The following PTPRD variants were observed in gnomAD, a reference collection of about 807,000 sequenced individuals.
PTPRD encodes receptor-type tyrosine-protein phosphatase delta.
PTPRD carries 34 observed loss-of-function variants against 214.5 expected under a neutral mutation model. The observed-to-expected ratio is 0.16, with a 90% CI of 0.12 to 0.21. The LOEUF (loss-of-function observed/expected upper bound fraction) is 0.21. Among genes scored for constraint, PTPRD ranks in the 10% least tolerant of loss-of-function variants. The probability of loss-of-function intolerance (pLI) is 1.00; values close to 1 mark genes in which losing one functional copy is unlikely to be tolerated. For missense variants in PTPRD, 2,545 were observed against 2,398.7 expected (o/e 1.06, Z -1.27); for synonymous variants, 1,128 against 845.7 (o/e 1.33, Z -5.79).
At chr9:8,906,767 T>C (rs1358398621) in intron 11 of PTPRD, among the ~76,000 whole-genome samples, 1 of 151,978 alleles carries the variant, frequency 6.6e-6, no homozygotes, top group Non-Finnish European at 1.5e-5. Flanking sequence ...TTAGCCTAAA[T>C]TGTGGTCTTT....
intron 2 of PTPRD, among the ~76,000 whole-genome samples, chr9:10,353,266 CA>C (rs983940162): frequency 3.3e-5 from 5 of 151,730 alleles, no homozygotes; most frequent in Non-Finnish European, 5.9e-5. Context: ...AATGTTCTTA[CA>C]AAAAACACAT....
chr9:10,329,437 C>T (rs559056704), intron 3 of PTPRD, among the ~76,000 whole-genome samples: 2 of 151,896 alleles, frequency 1.3e-5, no homozygotes, highest in South Asian at 4.1e-4. Flanking sequence ...TGTATGTTTT[C>T]AGCTGCTTAT....
chr9:10,281,566 G>C (rs74482350), intron 3 of PTPRD, among the ~76,000 whole-genome samples: 4,062 of 152,162 alleles, frequency 0.027, 296 homozygotes, highest in Admixed American at 0.16. Context: ...TTTTTACTTT[G>C]CTACTTAAAC....
intron 3 of PTPRD, among the ~76,000 whole-genome samples, chr9:10,264,369 C>G (rs2093910025): frequency 6.6e-6 from 1 of 152,168 alleles, no homozygotes; most frequent in Admixed American, 6.5e-5. Flanking sequence ...GTACCCTGCA[C>G]AGCCACAGGG....
intron 3 of PTPRD, among the ~76,000 whole-genome samples, chr9:10,297,177 G>A (rs1343839345): frequency 6.7e-6 from 1 of 150,152 alleles, no homozygotes; most frequent in Non-Finnish European, 1.5e-5. Context: ...TGCACCATGT[G>A]CAGGTTTGTT....
intron 2 of PTPRD, among the ~76,000 whole-genome samples, chr9:10,436,924 T>C (rs565003995): frequency 6.6e-6 from 1 of 151,796 alleles, no homozygotes; most frequent in Non-Finnish European, 1.5e-5. Flanking sequence ...TAAATGTAGA[T>C]GCAAGATGTC....
At chr9:8,382,818 A>T (rs1391667605) in intron 37 of PTPRD, among the ~76,000 whole-genome samples, 1 of 152,240 alleles carries the variant, frequency 6.6e-6, no homozygotes, top group East Asian at 1.9e-4. Context: ...TGCTTAAGGA[A>T]AAAAGCAGTT....
intron 14 of PTPRD, among the ~76,000 whole-genome samples, chr9:8,597,032 T>C (rs909442632): frequency 3.9e-5 from 6 of 152,104 alleles, no homozygotes; most frequent in African/African-American, 1.2e-4. Context: ...CTAAAAAATA[T>C]GGTAGATTTG....
intron 11 of PTPRD, among the ~76,000 whole-genome samples, chr9:8,821,159 A>G (rs138587788): frequency 1.1e-4 from 16 of 152,232 alleles, no homozygotes; most frequent in African/African-American, 3.9e-4. Context: ...TTCTTGAACT[A>G]TGGGGTTTAA....
chr9:9,685,552 C>T (rs2097152147), intron 7 of PTPRD, among the ~76,000 whole-genome samples: 1 of 151,068 alleles, frequency 6.6e-6, no homozygotes, highest in Admixed American at 6.6e-5. Flanking sequence ...TATTTTAAAA[C>T]ATAAAGAAAA....
At chr9:9,814,268 C>T (rs765050986) in intron 5 of PTPRD, among the ~76,000 whole-genome samples, 11 of 147,896 alleles carry the variant, frequency 7.4e-5, no homozygotes, top group Non-Finnish European at 1.2e-4. Flanking sequence ...CACTTCTATT[C>T]GATGTAATAA....
At chr9:8,642,466 G>C (rs75095721) in intron 12 of PTPRD, among the ~76,000 whole-genome samples, 13,691 of 152,208 alleles carry the variant, frequency 0.09, 717 homozygotes, top group East Asian at 0.18. Context: ...TGTTCAGTGG[G>C]AACATGCAGG....
chr9:10,366,904 A>G (rs932192490), intron 2 of PTPRD, among the ~76,000 whole-genome samples: 4 of 152,162 alleles, frequency 2.6e-5, no homozygotes, highest in African/African-American at 9.7e-5. Context: ...TTAATTTTTG[A>G]AAAGAACACC....
intron 2 of PTPRD, among the ~76,000 whole-genome samples, chr9:10,430,976 C>A (rs1198014642): frequency 6.6e-6 from 1 of 151,876 alleles, no homozygotes; most frequent in Non-Finnish European, 1.5e-5. Flanking sequence ...TCTTTATATA[C>A]ATAAATAATA....
At chr9:8,430,205 C>T (rs973563241) in intron 35 of PTPRD, among the ~76,000 whole-genome samples, 1 of 152,106 alleles carries the variant, frequency 6.6e-6, no homozygotes, top group Non-Finnish European at 1.5e-5. Context: ...ACTAGTTTTA[C>T]ATTTTCTCTA....
chr9:10,276,541 G>C (rs2094701921), intron 3 of PTPRD, among the ~76,000 whole-genome samples: 1 of 152,130 alleles, frequency 6.6e-6, no homozygotes, highest in Non-Finnish European at 1.5e-5. Flanking sequence ...CAAATTCATT[G>C]CATTAGCCTC....
intron 2 of PTPRD, among the ~76,000 whole-genome samples, chr9:10,557,733 G>A (rs1021972945): frequency 1.3e-5 from 2 of 152,106 alleles, no homozygotes; most frequent in African/African-American, 4.8e-5. Flanking sequence ...TTAGAAAAAC[G>A]TAGGCAGCTG....
intron 3 of PTPRD, among the ~76,000 whole-genome samples, chr9:10,256,738 C>A (rs960781368): frequency 6.6e-6 from 1 of 152,152 alleles, no homozygotes; most frequent in Non-Finnish European, 1.5e-5. Context: ...ATCTGTTCTA[C>A]CTGCTTCTCT....
intron 34 of PTPRD, among the ~76,000 whole-genome samples, chr9:8,438,106 G>A (rs2095421532): frequency 6.6e-6 from 1 of 152,162 alleles, no homozygotes; most frequent in South Asian, 2.1e-4. Context: ...TGCTGTCACT[G>A]TGGCTCTTTG....
Sources: allele counts gnomAD v4.1 joint callset (sites outside exome capture counted in the v4.1 genomes callset), GRCh38; gene constraint gnomAD v4.1.1; transcripts MANE v1.5; gene names NCBI Gene and HGNC (gene_info 2026-07-23, HGNC 2026-07-21).